The following ASIC5 variants were observed in gnomAD, a reference collection of about 807,000 sequenced individuals.
The protein encoded by ASIC5 is acid sensing ion channel subunit family member 5, also known as bile acid-sensitive ion channel.
Under a neutral mutation model 51.2 loss-of-function variants are expected in ASIC5, and 52 were observed. The ratio of observed to expected loss-of-function variants is 1.02; its 90% CI spans 0.81 to 1.28. The LOEUF (loss-of-function observed/expected upper bound fraction) is 1.28. Ranked by LOEUF, ASIC5 falls within the 50% of genes most tolerant of loss-of-function variation. The pLI is 0.00. For synonymous variants in ASIC5, 231 were observed against 200.7 expected (o/e 1.15, Z -1.28); for missense variants, 635 against 595.0 (o/e 1.07, Z -0.70).
At chr4:155,854,619 T>C in intron 2 of ASIC5, 1 of 348,982 alleles carries the variant, frequency 2.9e-6, no homozygotes, top group South Asian at 4.6e-5. Context: ...TAAAAATGCA[T>C]TTAGGAGCCA....
chr4:155,856,122 A>T (rs1365869437), intron 2 of ASIC5, among the ~76,000 whole-genome samples: 1 of 152,046 alleles, frequency 6.6e-6, no homozygotes, highest in Non-Finnish European at 1.5e-5. Flanking sequence ...CTGAGCCCAC[A>T]TTCTTTCTAT....
chr4:155,844,323 A>C (rs1741188183), intron 4 of ASIC5, among the ~76,000 whole-genome samples: 1 of 152,020 alleles, frequency 6.6e-6, no homozygotes, highest in Non-Finnish European at 1.5e-5. Flanking sequence ...AAAAACAAAC[A>C]AACAAAAAAA....
At chr4:155,839,747 T>C (rs1741074628) in intron 6 of ASIC5, among the ~76,000 whole-genome samples, 1 of 150,682 alleles carries the variant, frequency 6.6e-6, no homozygotes, top group South Asian at 2.1e-4. Flanking sequence ...CCTCCAACAC[T>C]GAGTTAGGAA....
At chr4:155,830,142 C>A in intron 9 of ASIC5, 96 bp from the exon 10 acceptor site, 1 of 758,770 alleles carries the variant, frequency 1.3e-6, no homozygotes, top group Admixed American at 3.7e-5. Context: ...AGAGTCATAA[C>A]TGAGATGAAG....
chr4:155,834,839 G>A (rs993737946), intron 8 of ASIC5, among the ~76,000 whole-genome samples: 3 of 152,074 alleles, frequency 2.0e-5, no homozygotes, highest in Admixed American at 6.5e-5. Context: ...AACCAGTGAT[G>A]GCAAAATGAT....
rs765521863 is a variant in ASIC5 at position 155,843,742 on chromosome 4, T to G, written c.800A>C (p.Asp267Ala). The G allele has an allele frequency of 6.2e-7, 1 of 1,613,516 alleles. No homozygotes were observed. The highest frequency in any genetic ancestry group is 8.5e-7 in the Non-Finnish European group (1 of 1,179,748). The change falls in exon 5 of 10, where the codon GAT becomes GCT. Residue 267 changes from aspartate (D) to alanine (A), a missense_variant. Physicochemically the swap from Asp to Ala is moderately radical, Grantham distance 126. Coordinates refer to ENST00000537611, the MANE Select transcript of ASIC5 (RefSeq NM_017419.3). The part of the protein sequence containing the change: ...IHSPKKVPQF[D>A]GLGLLSPVGM... ...CACAGGTGACAACAAGCCTAACCCA[T>G]CAAACTGTGGCACCTTCTTTGGTGA...
intron 4 of ASIC5, among the ~76,000 whole-genome samples, chr4:155,850,055 A>T (rs556830032): frequency 6.6e-6 from 1 of 152,006 alleles, no homozygotes; most frequent in Admixed American, 6.6e-5. Flanking sequence ...ATGAGAAATC[A>T]GATGAAAACT....
At chr4:155,863,871 T>A (rs988322466) in intron 1 of ASIC5, 117 bp from the exon 2 acceptor site, 1 of 819,356 alleles carries the variant, frequency 1.2e-6, no homozygotes, top group African/African-American at 1.7e-5. Context: ...TTACTTGTAA[T>A]TCATAGAAAC....
chr4:155,844,551 A>G (rs978207737), intron 4 of ASIC5, among the ~76,000 whole-genome samples: 1 of 152,004 alleles, frequency 6.6e-6, no homozygotes, highest in Non-Finnish European at 1.5e-5. Context: ...CAGAAATCAT[A>G]TAATTTGTGT....
At chr4:155,831,981 T>A (rs1197265943) in intron 8 of ASIC5, 66 bp from the exon 9 acceptor site, 1 of 819,204 alleles carries the variant, frequency 1.2e-6, no homozygotes, top group Non-Finnish European at 2.0e-6. Flanking sequence ...TCCCGTCGAA[T>A]AAAGGTAATA....
At chr4:155,840,350 A>T (rs1560742752) in intron 6 of ASIC5, among the ~76,000 whole-genome samples, 1 of 151,262 alleles carries the variant, frequency 6.6e-6, no homozygotes, top group Non-Finnish European at 1.5e-5. Context: ...GAAGGATGTG[A>T]TGATTATGGA....
At chr4:155,831,433 A>C (rs1318579083) in intron 9 of ASIC5, among the ~76,000 whole-genome samples, 2 of 152,130 alleles carry the variant, frequency 1.3e-5, no homozygotes, top group Non-Finnish European at 2.9e-5. Context: ...GGTAAGCTAA[A>C]CCTTAAATAT....
chr4:155,849,334 T>C (rs887301078), intron 4 of ASIC5, among the ~76,000 whole-genome samples: 12 of 151,974 alleles, frequency 7.9e-5, no homozygotes, highest in Non-Finnish European at 1.5e-4. Flanking sequence ...ATGGCACAAA[T>C]CTACGGCTGG....
intron 4 of ASIC5, among the ~76,000 whole-genome samples, chr4:155,847,075 A>G (rs962624586): frequency 1.3e-5 from 2 of 152,082 alleles, no homozygotes; most frequent in African/African-American, 4.8e-5. Flanking sequence ...TGTTTAAGAA[A>G]GGAGAAGTGT....
chr4:155,860,804 T>C (rs1280661055), intron 2 of ASIC5, among the ~76,000 whole-genome samples: 1 of 151,878 alleles, frequency 6.6e-6, no homozygotes, highest in Non-Finnish European at 1.5e-5. Flanking sequence ...ATGGATTAGG[T>C]TTCCATACCC....
At chr4:155,848,402 C>A (rs1741304432) in intron 4 of ASIC5, among the ~76,000 whole-genome samples, 1 of 151,882 alleles carries the variant, frequency 6.6e-6, no homozygotes, top group South Asian at 2.1e-4. Context: ...GAAGCATTGT[C>A]AAATATGAAA....
intron 8 of ASIC5, among the ~76,000 whole-genome samples, chr4:155,835,412 G>GA (rs11304781): frequency 2.9e-4 from 41 of 139,142 alleles, no homozygotes; most frequent in Admixed American, 1.5e-3. Flanking sequence ...CTGAGTTTTG[G>GA]AAAAAAAAAA....
At chr4:155,838,438 C>T (rs1741041679) in intron 7 of ASIC5, among the ~76,000 whole-genome samples, 1 of 152,058 alleles carries the variant, frequency 6.6e-6, no homozygotes, top group South Asian at 2.1e-4. Context: ...AAGGACTATT[C>T]CCAATCAGTG....
intron 2 of ASIC5, 135 bp downstream of exon 2, chr4:155,863,313 C>T: frequency 4.5e-6 from 3 of 669,594 alleles, no homozygotes; most frequent in South Asian, 4.4e-5. Context: ...CTTTTGAGTG[C>T]AATTTAAGTG....
Sources: allele counts gnomAD v4.1 joint callset (sites outside exome capture counted in the v4.1 genomes callset), GRCh38; gene constraint gnomAD v4.1.1; transcripts MANE v1.5; gene names NCBI Gene and HGNC (gene_info 2026-07-23, HGNC 2026-07-21).